Variants in SHANK2 observed in about 807,000 individuals in gnomAD.
SHANK2 encodes SH3 and multiple ankyrin repeat domains 2.
SHANK2 carries 43 observed loss-of-function variants against 133.7 expected under a neutral mutation model. That is an observed-to-expected ratio of 0.32 (90% CI 0.25 to 0.41). SHANK2 has a LOEUF of 0.41. Ranked by LOEUF, SHANK2 falls within the 10% of genes least tolerant of loss-of-function variation. The pLI is 1.00. For synonymous variants in SHANK2, 1,017 were observed against 952.8 expected, an observed-to-expected ratio of 1.07 and a Z score of -1.24; for missense variants, 1,994 against 2,235.8, an observed-to-expected ratio of 0.89 and a Z score of 2.18.
At chr11:70,599,928 AAAG>A (rs1489027334) in intron 17 of SHANK2, among the ~76,000 whole-genome samples, 8 of 119,612 alleles carry the variant, frequency 6.7e-5, no homozygotes, top group African/African-American at 3.5e-4. Context: ...AGAAAGAAAG[AAAG>A]AAAGAAAGAA....
At chr11:71,154,914 A>G (rs1240881652) in intron 2 of SHANK2, among the ~76,000 whole-genome samples, 13 of 45,480 alleles carry the variant, frequency 2.9e-4, no homozygotes, top group South Asian at 1.0e-3. Context: ...TCCCAGAGGG[A>G]TGGACCTACC....
At chr11:71,157,211 A>G (rs1327265373) in intron 2 of SHANK2, among the ~76,000 whole-genome samples, 2 of 152,258 alleles carry the variant, frequency 1.3e-5, no homozygotes, top group African/African-American at 4.8e-5. Flanking sequence ...CTCTAGGGAA[A>G]TAACGGCTAC....
At chr11:71,247,483 T>A (rs1954976478) in intron 1 of SHANK2, among the ~76,000 whole-genome samples, 2 of 149,690 alleles carry the variant, frequency 1.3e-5, no homozygotes, top group South Asian at 4.2e-4. Context: ...GCTGTTTTTT[T>A]TAAAAAAAAC....
chr11:70,632,215 G>A (rs1164594293), intron 17 of SHANK2, among the ~76,000 whole-genome samples: 7 of 152,016 alleles, frequency 4.6e-5, no homozygotes, highest in Admixed American at 2.6e-4. Context: ...TCTGCCTCCC[G>A]GGTTCATGCC....
At chr11:70,844,039 C>G (rs1413147493) in intron 11 of SHANK2, among the ~76,000 whole-genome samples, 1 of 152,136 alleles carries the variant, frequency 6.6e-6, no homozygotes, top group Non-Finnish European at 1.5e-5. Flanking sequence ...CGTGCACCAT[C>G]CCCTGTCCCA....
chr11:71,151,690 G>A (rs545484771), intron 2 of SHANK2, among the ~76,000 whole-genome samples: 126 of 152,300 alleles, frequency 8.3e-4, no homozygotes, highest in Non-Finnish European at 1.5e-3. Context: ...AACGGAGGGC[G>A]GGGGGAGCCC....
intron 8 of SHANK2, among the ~76,000 whole-genome samples, chr11:71,088,008 C>T (rs1050577272): frequency 6.6e-6 from 1 of 152,168 alleles, no homozygotes; most frequent in East Asian, 1.9e-4. Context: ...TGAATTTAAA[C>T]CTTCCTCTTC....
chr11:70,534,213 T>C (rs549799797), intron 17 of SHANK2, among the ~76,000 whole-genome samples: 31 of 152,270 alleles, frequency 2.0e-4, no homozygotes, highest in Admixed American at 1.8e-3. Context: ...CTCAGGAAAC[T>C]TACAATCATG....
intron 1 of SHANK2, among the ~76,000 whole-genome samples, chr11:71,226,088 T>G (rs1954638207): frequency 6.6e-6 from 1 of 151,978 alleles, no homozygotes; most frequent in Non-Finnish European, 1.5e-5. Context: ...TGCCATGCAC[T>G]CCAGCCTGGG....
intron 11 of SHANK2, among the ~76,000 whole-genome samples, chr11:70,842,397 T>C (rs782092647): frequency 6.6e-6 from 1 of 152,198 alleles, no homozygotes; most frequent in African/African-American, 2.4e-5. Context: ...TGGAGGCCCA[T>C]GGCCCACTCT....
Position 70,487,849 on chromosome 11 carries a change from C to T in SHANK2, c.2573-129G>A. On this transcript the variant is annotated intron_variant, in intron 24 of 25. Coordinates refer to ENST00000601538, the MANE Select transcript of SHANK2 (RefSeq NM_012309.5). This position sits in a 1 kb window ranked among gnomAD's most constrained non-coding sequence, Gnocchi z 5.8. ...TGATGAACCGGATGTTCAGGAAACA[C>T]AGCACAAGCCACGATGCCGAGTGGT... 1.3e-6 allele frequency: 2 copies of T among 1,523,490 alleles called. No individual in the cohort carries two copies. Among genetic ancestry groups the T allele is most frequent in the Non-Finnish European group, 1.8e-6 (2 of 1,128,718 alleles). 94.4% of individuals were successfully genotyped at this position (1,523,490 alleles called of 1,614,324 possible).
intron 15 of SHANK2, among the ~76,000 whole-genome samples, chr11:70,678,263 C>T (rs1207616850): frequency 1.3e-5 from 2 of 152,092 alleles, no homozygotes; most frequent in East Asian, 1.9e-4. Context: ...TCTTCTGCCT[C>T]GGCCTCCTGG....
intron 5 of SHANK2, among the ~76,000 whole-genome samples, chr11:71,111,104 T>A (rs1555099137): frequency 6.6e-6 from 1 of 152,200 alleles, no homozygotes; most frequent in East Asian, 1.9e-4. Context: ...AGAGTCACAC[T>A]TTTGTTGTTT....
At chr11:70,926,524 G>A (rs1555081638) in intron 10 of SHANK2, among the ~76,000 whole-genome samples, 1 of 152,168 alleles carries the variant, frequency 6.6e-6, no homozygotes, top group Admixed American at 6.5e-5. Context: ...TTTTCTTCAT[G>A]AGCACACCAC....
At chr11:70,824,522 G>GA (rs1347823331) in intron 11 of SHANK2, among the ~76,000 whole-genome samples, 2 of 152,156 alleles carry the variant, frequency 1.3e-5, no homozygotes, top group African/African-American at 2.4e-5. Context: ...ACAAGGAACG[G>GA]AAAAAGCTGA....
At chr11:71,198,496 C>T (rs1953954748) in intron 2 of SHANK2, among the ~76,000 whole-genome samples, 1 of 152,220 alleles carries the variant, frequency 6.6e-6, no homozygotes, top group African/African-American at 2.4e-5. Flanking sequence ...GAAACAGCCC[C>T]ACAGGAAACA....
chr11:70,795,375 CTTTTCTTTTCTT>C (rs1330386417), intron 14 of SHANK2, among the ~76,000 whole-genome samples: 12 of 148,058 alleles, frequency 8.1e-5, no homozygotes, highest in South Asian at 2.2e-4. Context: ...CACATGGGTT[CTTTTCTTTTCTT>C]TTTTCTTTTC....
chr11:70,648,933 G>A (rs1555009266), intron 17 of SHANK2, among the ~76,000 whole-genome samples: 1 of 152,182 alleles, frequency 6.6e-6, no homozygotes, highest in Non-Finnish European at 1.5e-5. Flanking sequence ...ATGGCAGAGG[G>A]TTATGAGCGG....
At chr11:71,177,061 G>C (rs1223417424) in intron 2 of SHANK2, among the ~76,000 whole-genome samples, 1 of 152,150 alleles carries the variant, frequency 6.6e-6, no homozygotes, top group Non-Finnish European at 1.5e-5. Context: ...CAGTGGACTG[G>C]CATCTTTAAA....
Sources: allele counts gnomAD v4.1 joint callset (sites outside exome capture counted in the v4.1 genomes callset), GRCh38; gene constraint gnomAD v4.1.1; non-coding constraint Gnocchi (gnomAD v3.1); transcripts MANE v1.5; gene names NCBI Gene and HGNC (gene_info 2026-07-23, HGNC 2026-07-21).